Variants in AKAP6 observed in about 807,000 individuals in gnomAD.
The protein encoded by AKAP6 is A-kinase anchor protein 6.
In AKAP6, 58 loss-of-function variants were observed where a neutral mutation model predicts 188.5. The ratio of observed to expected loss-of-function variants is 0.31; its 90% CI spans 0.25 to 0.38. The LOEUF (loss-of-function observed/expected upper bound fraction) is 0.38. Ranked by LOEUF, AKAP6 falls within the 10% of genes least tolerant of loss-of-function variation. The pLI, the probability that AKAP6 is intolerant of heterozygous loss-of-function variation, is 1.00. For synonymous variants in AKAP6, 989 were observed against 998.6 expected (o/e 0.99, Z 0.18); for missense variants, 2,710 against 2,740.0 (o/e 0.99, Z 0.24).
chr14:32,789,839 C>T (rs1304874400), intron 12 of AKAP6, among the ~76,000 whole-genome samples: 1 of 152,156 alleles, frequency 6.6e-6, no homozygotes, highest in Non-Finnish European at 1.5e-5. Flanking sequence ...AACACCTCTC[C>T]AGCAAGGGCA....
chr14:32,663,530 TG>T lies in AKAP6; in HGVS notation c.2731-14778del, dbSNP rs34648091. On this transcript the variant is annotated intron_variant, in intron 7 of 13. Transcript: ENST00000280979. ...TTTATATTAGAGGGACAGATCACCATGGGAAGTAACACTTAAACTGAAACTT... is the reference window on the plus strand; with the variant it reads ...TTTATATTAGAGGGACAGATCACCATGGAAGTAACACTTAAACTGAAACTT... Among the ~76,000 whole-genome samples the T allele has an allele frequency of 3.9e-3, 560 of 145,174 alleles. 1 individual carries two copies. Among genetic ancestry groups the T allele is most frequent in the African/African-American group, 0.015 (538 of 35,076 alleles).
chr14:32,807,634 C>T (rs2034123991), intron 12 of AKAP6, among the ~76,000 whole-genome samples: 1 of 152,128 alleles, frequency 6.6e-6, no homozygotes, highest in African/African-American at 2.4e-5. Flanking sequence ...ATAATGGTTT[C>T]TTCTTGTGTA....
intron 2 of AKAP6, among the ~76,000 whole-genome samples, chr14:32,501,865 C>G (rs1594683070): frequency 6.6e-6 from 1 of 152,162 alleles, no homozygotes; most frequent in East Asian, 1.9e-4. Flanking sequence ...TATTTTATCA[C>G]ATTGGCTCTC....
intron 7 of AKAP6, among the ~76,000 whole-genome samples, chr14:32,614,248 G>A (rs1452586875): frequency 6.6e-6 from 1 of 152,134 alleles, no homozygotes; most frequent in Admixed American, 6.6e-5. Flanking sequence ...TTGGCAAATA[G>A]CATCTTTTAT....
intron 2 of AKAP6, among the ~76,000 whole-genome samples, chr14:32,507,696 A>C (rs192435248): frequency 9.2e-5 from 14 of 152,348 alleles, no homozygotes; most frequent in African/African-American, 3.4e-4. Flanking sequence ...ATCAGCGGAC[A>C]AAGAATTCAG....
At chr14:32,671,147 G>A (rs1223260220) in intron 7 of AKAP6, among the ~76,000 whole-genome samples, 3 of 152,174 alleles carry the variant, frequency 2.0e-5, no homozygotes, top group Non-Finnish European at 2.9e-5. Context: ...GTAGTTTTAA[G>A]TAGCAGGTCA....
chr14:32,628,890 A>G (rs1364103194), intron 7 of AKAP6, among the ~76,000 whole-genome samples: 1 of 152,118 alleles, frequency 6.6e-6, no homozygotes, highest in Non-Finnish European at 1.5e-5. Context: ...AAAATATTTA[A>G]GTTAAGCCAA....
intron 1 of AKAP6, among the ~76,000 whole-genome samples, chr14:32,361,771 T>C (rs902328404): frequency 3.9e-5 from 6 of 152,212 alleles, no homozygotes; most frequent in African/African-American, 1.2e-4. Context: ...TGTTTGTTCA[T>C]TTATTATCAG....
intron 7 of AKAP6, among the ~76,000 whole-genome samples, chr14:32,627,218 T>C (rs1887060462): frequency 6.6e-6 from 1 of 152,166 alleles, no homozygotes; most frequent in South Asian, 2.1e-4. Flanking sequence ...TTATTTTGCC[T>C]TTATTCTTTG....
chr14:32,734,842 T>G (rs1383144698), intron 10 of AKAP6, among the ~76,000 whole-genome samples: 1 of 152,188 alleles, frequency 6.6e-6, no homozygotes, highest in Non-Finnish European at 1.5e-5. Flanking sequence ...ATTTATGTTT[T>G]AAAGCTTATT....
intron 10 of AKAP6, chr14:32,733,813 A>AATGT (rs2031295077): frequency 6.6e-6 from 1 of 152,160 alleles, no homozygotes; most frequent in Non-Finnish European, 1.5e-5. Flanking sequence ...AAACAGGAGA[A>AATGT]ATGTGGTTAG....
chr14:32,698,004 G>A (rs1890472700), intron 9 of AKAP6, among the ~76,000 whole-genome samples: 1 of 152,064 alleles, frequency 6.6e-6, no homozygotes, highest in African/African-American at 2.4e-5. Context: ...CTGCTCATTA[G>A]ACCAGCACTA....
At chr14:32,702,740 G>A (rs573362058) in intron 9 of AKAP6, among the ~76,000 whole-genome samples, 9 of 152,176 alleles carry the variant, frequency 5.9e-5, no homozygotes, top group Non-Finnish European at 1.2e-4. Flanking sequence ...TCCCTGGCCT[G>A]GCTGGCTCTG....
chr14:32,531,049 C>A (rs1251818887), intron 2 of AKAP6, among the ~76,000 whole-genome samples: 1 of 152,108 alleles, frequency 6.6e-6, no homozygotes, highest in Middle Eastern at 3.2e-3. Flanking sequence ...TTTGAGACAG[C>A]AAGGTATCTG....
At chr14:32,587,532 G>A (rs1202760761) in intron 5 of AKAP6, among the ~76,000 whole-genome samples, 1 of 152,212 alleles carries the variant, frequency 6.6e-6, no homozygotes, top group Non-Finnish European at 1.5e-5. Context: ...ATAATCAAAT[G>A]AGTGGGTTAA....
At chr14:32,758,269 C>G (rs566652225) in intron 11 of AKAP6, among the ~76,000 whole-genome samples, 1 of 152,206 alleles carries the variant, frequency 6.6e-6, no homozygotes, top group Non-Finnish European at 1.5e-5. Flanking sequence ...CAGGATCACA[C>G]AGTCAGAGCC....
chr14:32,766,848 C>G (rs1207080288), intron 11 of AKAP6, among the ~76,000 whole-genome samples: 1 of 152,110 alleles, frequency 6.6e-6, no homozygotes, highest in Admixed American at 6.5e-5. Context: ...AAAGCTGTTT[C>G]TACTTTTGAT....
chr14:32,369,985 C>T (rs1015240391), intron 1 of AKAP6, among the ~76,000 whole-genome samples: 12 of 152,112 alleles, frequency 7.9e-5, no homozygotes, highest in African/African-American at 2.2e-4. Context: ...GAGCTGAGAC[C>T]GCGCCATTGC....
intron 12 of AKAP6, among the ~76,000 whole-genome samples, chr14:32,803,892 C>T (rs1174060542): frequency 6.6e-6 from 1 of 152,178 alleles, no homozygotes; most frequent in African/African-American, 2.4e-5. Flanking sequence ...GGAGAGATAG[C>T]ACAATCTCTT....
Sources: allele counts gnomAD v4.1 joint callset (sites outside exome capture counted in the v4.1 genomes callset), GRCh38; gene constraint gnomAD v4.1.1; transcripts MANE v1.5; gene names NCBI Gene and HGNC (gene_info 2026-07-23, HGNC 2026-07-21).